Variants in NET1 observed in about 807,000 individuals in gnomAD.
NET1 encodes neuroepithelial cell transforming 1, also known as neuroepithelial cell-transforming gene 1 protein.
Under a neutral mutation model 61.1 loss-of-function variants are expected in NET1, and 42 were observed. That is an observed-to-expected ratio of 0.69 (90% CI 0.54 to 0.89). The LOEUF (loss-of-function observed/expected upper bound fraction) is 0.89. Among genes scored for constraint, NET1 ranks in the 40% least tolerant of loss-of-function variants. The pLI is 0.00. For missense variants in NET1, 654 were observed against 747.3 expected (o/e 0.88, Z 1.46); for synonymous variants, 254 against 281.8 (o/e 0.90, Z 0.99).
At position 5,418,848 on chromosome 10, in the gene NET1, A is replaced by T. The variant is rs190757488; in HGVS notation, c.128+6028A>T. Among the ~76,000 whole-genome samples, 163 of 152,256 alleles carry T rather than the reference A, an allele frequency of 1.1e-3. 1 individual carries two copies. The highest frequency in any genetic ancestry group is 3.8e-3 in the African/African-American group (156 of 41,560). ...AGCATTGCTTTAGCTGCATCTCATA[A>T]ATTTTGATATATTGTGTCTTCACTA... On this transcript the variant is annotated intron_variant, in intron 1 of 11. Coordinates refer to ENST00000355029, the MANE Select transcript of NET1 (RefSeq NM_001047160.3).
At position 5,447,224 on chromosome 10, in the gene NET1, T is replaced by TTCTTG. The variant is rs1335736242; in HGVS notation, c.256-4604_256-4600dup. On this transcript the variant is annotated intron_variant, in intron 3 of 11. Coordinates refer to ENST00000355029, the MANE Select transcript of NET1 (RefSeq NM_001047160.3). This position sits in a 1 kb window ranked among gnomAD's most constrained non-coding sequence, Gnocchi z 4.1. The stretch of plus-strand genomic sequence containing the variant: ...ATGGAGCAAGAGGAAAAGAATCCCG[T>TTCTTG]TCTTGTAAATCAATGCTAGTGAACA... Among the ~76,000 whole-genome samples the TTCTTG allele has an allele frequency of 6.6e-6, 1 of 152,246 alleles. No individual in the cohort carries two copies. Among genetic ancestry groups the TTCTTG allele is most frequent in the Admixed American group, 6.5e-5 (1 of 15,290 alleles).
rs768824580 is a variant in NET1, at chr10:5,426,697, T to A, written c.171T>A (p.Pro57=). 2.7e-5 allele frequency: 44 copies of A among 1,604,394 alleles called. No individual in the cohort carries two copies. The South Asian group carries it at 4.5e-4, about 16-fold the overall frequency. Residue 57 remains proline (P), a synonymous_variant, in exon 2 of 12, where the codon CCT becomes CCA. Transcript: ENST00000355029. The surrounding 1 kb of genome is among the most constrained non-coding windows in gnomAD (Gnocchi z 4.6). The part of the protein sequence containing the change: ...RRGSSFTFLT[P]GPNWDFTLKR... ...GCAGCTCCTTCACATTCTTAACACC[T>A]GGCCCCAACTGGGACTTCACTTTGG...
Position 5,416,642 on chromosome 10 carries a change from C to A in NET1, c.128+3822C>A, listed in dbSNP as rs1832086156. ...TAAATTTATTCCTAAGTATTTTGTTCTTTTTGATGCAGTTGTAAATGGATT... is the reference window on the plus strand; with the variant it reads ...TAAATTTATTCCTAAGTATTTTGTTATTTTTGATGCAGTTGTAAATGGATT... On this transcript the variant is annotated intron_variant, in intron 1 of 11. Transcript: ENST00000355029. This position sits in a 1 kb window ranked among gnomAD's most constrained non-coding sequence, Gnocchi z 6.1. 1.3e-5 allele frequency among the ~76,000 whole-genome samples: 2 copies of A among 152,110 alleles called. 1 individual carries two copies. Among genetic ancestry groups the A allele is most frequent in the Admixed American group, 1.3e-4 (2 of 15,282 alleles).
In NET1 at chr10:5,424,913, C is replaced by T. The variant is rs1467472642; in HGVS notation, c.129-1742C>T. On this transcript the variant is annotated intron_variant, in intron 1 of 11. Transcript: ENST00000355029. The surrounding 1 kb of genome is among the most constrained non-coding windows in gnomAD (Gnocchi z 6.1). ...TCATCTTTTGTAAGCAATATTAGAG[C>T]TGCCTCCCAACTGAGCAGTCTTGCC... 6.6e-6 allele frequency among the ~76,000 whole-genome samples: 1 copy of T among 152,166 alleles called. No individual in the cohort carries two copies. Among genetic ancestry groups the T allele is most frequent in the Non-Finnish European group, 1.5e-5 (1 of 68,028 alleles).
chr10:5,437,989 CATTATTAAACA>C lies in NET1; in HGVS notation c.255+8763_255+8773del, dbSNP rs1014776489. Among the ~76,000 whole-genome samples, 1 of 151,630 alleles carries C rather than the reference CATTATTAAACA, an allele frequency of 6.6e-6. No individual in the cohort carries two copies. The highest frequency in any genetic ancestry group is 1.5e-5 in the Non-Finnish European group (1 of 67,990). ...ATAAGTATGTGGAAATTAAACAACA[CATTATTAAACA>C]ATCAATGAGTCAAAACAAATCACAA... On this transcript the variant is annotated intron_variant, in intron 3 of 11. Transcript: ENST00000355029. This position sits in a 1 kb window ranked among gnomAD's most constrained non-coding sequence, Gnocchi z 4.3.
chr10:5,414,788 A>G (rs1050197202), intron 1 of NET1, among the ~76,000 whole-genome samples: 1 of 152,240 alleles, frequency 6.6e-6, no homozygotes, highest in Non-Finnish European at 1.5e-5. Context: ...AGAAAAGGAC[A>G]GAATCCAAAT....
chr10:5,422,230 G>A lies in NET1; in HGVS notation c.129-4425G>A, dbSNP rs1423088807. 1.3e-5 allele frequency among the ~76,000 whole-genome samples: 2 copies of A among 151,978 alleles called. No homozygotes were observed. Among genetic ancestry groups the A allele is most frequent in the Non-Finnish European group, 2.9e-5 (2 of 67,996 alleles). ...CGTGCCCCTGTAATCCTAGCTACTC[G>A]GGAGATTGAGGCAGGAGAATCGCTT... On this transcript the variant is annotated intron_variant, in intron 1 of 11. Transcript: ENST00000355029. The surrounding 1 kb of genome is among the most constrained non-coding windows in gnomAD (Gnocchi z 4.1).
rs1482998027 is a variant in NET1, at chr10:5,457,504, C to A, written c.*510C>A. ...ATTTCCTTGGAAAACAAACCATAAGCCTGAGGAGGTTTTTATCAACTGGAA... is the reference window on the plus strand; with the variant it reads ...ATTTCCTTGGAAAACAAACCATAAGACTGAGGAGGTTTTTATCAACTGGAA... On this transcript the variant is annotated 3_prime_UTR_variant, in exon 12 of 12. Coordinates refer to ENST00000355029, the MANE Select transcript of NET1 (RefSeq NM_001047160.3). This position sits in a 1 kb window ranked among gnomAD's most constrained non-coding sequence, Gnocchi z 5.4. 1 of 152,582 alleles carries A rather than the reference C, an allele frequency of 6.6e-6. No individual in the cohort carries two copies. Among genetic ancestry groups the A allele is most frequent in the African/African-American group, 2.4e-5 (1 of 41,416 alleles). The allele number at this position is 152,582 out of a possible 1,614,324, so 9.5% of individuals were successfully genotyped here. A position where few individuals can be genotyped will look rare whatever the true frequency, so the allele number is the denominator to read the frequency against.
chr10:5,429,697 C>T (rs1239430424), intron 3 of NET1, among the ~76,000 whole-genome samples: 2 of 152,162 alleles, frequency 1.3e-5, no homozygotes, highest in Non-Finnish European at 2.9e-5. Context: ...GGCCCATGGG[C>T]TTCAAGGCTT....
At position 5,420,866 on chromosome 10, in the gene NET1, T is replaced by C. The variant is rs780792721; in HGVS notation, c.129-5789T>C. On this transcript the variant is annotated intron_variant, in intron 1 of 11. Coordinates refer to ENST00000355029, the MANE Select transcript of NET1 (RefSeq NM_001047160.3). The surrounding 1 kb of genome is among the most constrained non-coding windows in gnomAD (Gnocchi z 5.3). Reference sequence around the variant, plus strand: ...ACCTTGACCTCCCAAAGTGCTGGGATTACAAGTATGAGTCACTGTGCCCGG... The same window carrying C: ...ACCTTGACCTCCCAAAGTGCTGGGACTACAAGTATGAGTCACTGTGCCCGG... Among the ~76,000 whole-genome samples, 2 of 152,158 alleles carry C rather than the reference T, an allele frequency of 1.3e-5. No homozygotes were observed. The highest frequency in any genetic ancestry group is 2.9e-5 in the Non-Finnish European group (2 of 68,036).
Position 5,431,796 on chromosome 10 carries a change from G to A in NET1, c.255+2567G>A, listed in dbSNP as rs1481238265. ...AATTTTGTTTTGTAGAAAAGACAGG[G>A]TCTCACTATGTTGGCCAGGAAGGCC... On this transcript the variant is annotated intron_variant, in intron 3 of 11. Coordinates refer to ENST00000355029, the MANE Select transcript of NET1 (RefSeq NM_001047160.3). The surrounding 1 kb of genome is among the most constrained non-coding windows in gnomAD (Gnocchi z 4.9). Among the ~76,000 whole-genome samples, 1 of 152,012 alleles carries A rather than the reference G, an allele frequency of 6.6e-6. No individual in the cohort carries two copies. Among genetic ancestry groups the A allele is most frequent in the African/African-American group, 2.4e-5 (1 of 41,364 alleles).
At position 5,456,376 on chromosome 10, in the gene NET1, C is replaced by T. The variant is rs1832797896; in HGVS notation, c.1384+103C>T. 3 of 1,202,634 alleles carry T rather than the reference C, an allele frequency of 2.5e-6. No individual in the cohort carries two copies. Among genetic ancestry groups the T allele is most frequent in the South Asian group, 3.2e-5 (2 of 61,746 alleles). The allele number at this position is 1,202,634 out of a possible 1,614,324, so 74.5% of individuals were successfully genotyped here. On this transcript the variant is annotated intron_variant, in intron 11 of 11. Transcript: ENST00000355029. The surrounding 1 kb of genome is among the most constrained non-coding windows in gnomAD (Gnocchi z 7.0). ...CTAGAGATGAAATGGCTCCATTGTC[C>T]TATACTTGTTACATCCATTGAGTTG... is the stretch of plus-strand genomic sequence containing the variant.
In NET1 at chr10:5,454,206, T is replaced by C. The variant is rs1022644339; in HGVS notation, c.769-59T>C. 14 of 1,529,468 alleles carry C rather than the reference T, an allele frequency of 9.2e-6. No homozygotes were observed. Among genetic ancestry groups the C allele is most frequent in the Non-Finnish European group, 1.1e-5 (13 of 1,135,634 alleles). The allele number at this position is 1,529,468 out of a possible 1,614,324, so 94.7% of individuals were successfully genotyped here. A position where few individuals can be genotyped will look rare whatever the true frequency, so the allele number is the denominator to read the frequency against. ...ATTTTGTGTTTCATGTTTGCAGGCT[T>C]GTTAATGCACTCGGTCATAACAGGA... On this transcript the variant is annotated intron_variant, in intron 8 of 11. Transcript: ENST00000355029. The surrounding 1 kb of genome is among the most constrained non-coding windows in gnomAD (Gnocchi z 8.1).
In NET1 at chr10:5,437,270, T is replaced by C. The variant is rs1832452048; in HGVS notation, c.255+8041T>C. ...ATACAGTATGTGTAATGACTACAGA[T>C]ATATGATTATCCTGTATATATGCTA... On this transcript the variant is annotated intron_variant, in intron 3 of 11. Coordinates refer to ENST00000355029, the MANE Select transcript of NET1 (RefSeq NM_001047160.3). The surrounding 1 kb of genome is among the most constrained non-coding windows in gnomAD (Gnocchi z 4.3). Among the ~76,000 whole-genome samples the C allele has an allele frequency of 6.6e-6, 1 of 152,228 alleles. No homozygotes were observed. Among genetic ancestry groups the C allele is most frequent in the South Asian group, 2.1e-4 (1 of 4,838 alleles).
rs984797306 is a variant in NET1, at chr10:5,441,516, C to G, written c.256-10314C>G. Among the ~76,000 whole-genome samples the G allele has an allele frequency of 6.6e-6, 1 of 152,198 alleles. No individual in the cohort carries two copies. The highest frequency in any genetic ancestry group is 1.5e-5 in the Non-Finnish European group (1 of 68,042). On this transcript the variant is annotated intron_variant, in intron 3 of 11. Coordinates refer to ENST00000355029, the MANE Select transcript of NET1 (RefSeq NM_001047160.3). This position sits in a 1 kb window ranked among gnomAD's most constrained non-coding sequence, Gnocchi z 4.6. ...TGTTACAGAAGACTAAGTGGTCTTA[C>G]GTTATACTGGAAGTTATTCGTTACC...
rs1442430095 is a variant in NET1 at position 5,453,120 on chromosome 10, A to C, written c.595-130A>C. 1.3e-6 allele frequency: 1 copy of C among 741,888 alleles called. No homozygotes were observed. The highest frequency in any genetic ancestry group is 1.7e-5 in the African/African-American group (1 of 57,174). 46.0% of individuals were successfully genotyped at this position (741,888 alleles called of 1,614,324 possible). ...GTTTATTTGGGGATTAATACATACT[A>C]ATTTATTTTATGTGTAGCAAACAGA... On this transcript the variant is annotated intron_variant, in intron 6 of 11. Transcript: ENST00000355029. The surrounding 1 kb of genome is among the most constrained non-coding windows in gnomAD (Gnocchi z 4.9).
chr10:5,442,889 A>AG lies in NET1; in HGVS notation c.256-8941_256-8940insG, dbSNP rs1426633528. 1.0e-3 allele frequency among the ~76,000 whole-genome samples: 154 copies of AG among 151,506 alleles called. 1 individual carries two copies. Among genetic ancestry groups the AG allele is most frequent in the South Asian group, 3.3e-3 (16 of 4,778 alleles). On this transcript the variant is annotated intron_variant, in intron 3 of 11. Coordinates refer to ENST00000355029, the MANE Select transcript of NET1 (RefSeq NM_001047160.3). ...AAGACCCTGTCTTTAAAAAAAAAAAAAAAGAAAGAAAGAAAAAAACTCTTC... is the reference window on the plus strand; with the variant it reads ...AAGACCCTGTCTTTAAAAAAAAAAAAGAAAGAAAGAAAGAAAAAAACTCTTC...
Position 5,452,855 on chromosome 10 carries a change from T to C in NET1, c.532-3T>C. The C allele has an allele frequency of 1.2e-6, 2 of 1,611,994 alleles. No homozygotes were observed. The highest frequency in any genetic ancestry group is 1.7e-6 in the Non-Finnish European group (2 of 1,179,404). ...ACCTCTGATGTTTGCTGGATGTTTT[T>C]AGGCAATATATGAAATGTCCCGAGG... On this transcript the variant is annotated splice_region_variant and splice_polypyrimidine_tract_variant and intron_variant, in intron 5 of 11. Transcript: ENST00000355029. This position sits in a 1 kb window ranked among gnomAD's most constrained non-coding sequence, Gnocchi z 4.0.
rs72779842 is a variant in NET1 at position 5,423,051 on chromosome 10, G to A, written c.129-3604G>A. Reference sequence around the variant, plus strand: ...CATTTTTTATTTAATTGGAAAAAATGTTATTTTTAGGATAAGAGTATATGT... The same window carrying A: ...CATTTTTTATTTAATTGGAAAAAATATTATTTTTAGGATAAGAGTATATGT... On this transcript the variant is annotated intron_variant, in intron 1 of 11. Transcript: ENST00000355029. The surrounding 1 kb of genome is among the most constrained non-coding windows in gnomAD (Gnocchi z 4.4). Among the ~76,000 whole-genome samples the A allele has an allele frequency of 0.02, 2,991 of 152,164 alleles. 36 individuals are homozygous for A. Among genetic ancestry groups the A allele is most frequent in the Non-Finnish European group, 0.025 (1,732 of 67,974 alleles).
Sources: gnomAD v4.1 joint callset for allele counts (sites outside exome capture counted in the v4.1 genomes callset) on GRCh38, gnomAD v4.1.1 for gene constraint, Gnocchi (gnomAD v3.1) non-coding constraint, MANE v1.5 for transcripts, NCBI Gene and HGNC (gene_info 2026-07-23, HGNC 2026-07-21) for gene names.